Variants in ENTREP2 observed in about 807,000 individuals in gnomAD.
ENTREP2 encodes the protein protein ENTREP2.
At chr15:29,674,140 G>GGGGTGGT in the ENTREP2 span, among the ~76,000 whole-genome samples, 1 of 148,816 alleles carries the variant, frequency 6.7e-6, no homozygotes, top group African/African-American at 2.5e-5. Context: ...GGGGGGGGGG[G>GGGGTGGT]GGGCTTTGCC....
At chr15:29,369,440 G>A in the ENTREP2 span, among the ~76,000 whole-genome samples, 1 of 151,624 alleles carries the variant, frequency 6.6e-6, no homozygotes, top group Non-Finnish European at 1.5e-5. Context: ...AAAAAAAAAA[G>A]TGTAAACCAA....
chr15:29,596,796 G>A, the ENTREP2 span, among the ~76,000 whole-genome samples: 1 of 152,026 alleles, frequency 6.6e-6, no homozygotes, highest in East Asian at 1.9e-4. Context: ...AGCTTCCCGA[G>A]TAGCTGGGAT....
chr15:29,205,056 G>A, the ENTREP2 span, among the ~76,000 whole-genome samples: 2 of 152,130 alleles, frequency 1.3e-5, no homozygotes, highest in Non-Finnish European at 2.9e-5. Flanking sequence ...GGTACCTCCT[G>A]CAAGTGGAAT....
chr15:29,270,522 T>C, the ENTREP2 span, among the ~76,000 whole-genome samples: 1 of 152,214 alleles, frequency 6.6e-6, no homozygotes, highest in East Asian at 1.9e-4. Flanking sequence ...TTAGCAGAAA[T>C]GGGTAAGAGG....
At chr15:29,500,349 A>G in the ENTREP2 span, among the ~76,000 whole-genome samples, 1 of 152,146 alleles carries the variant, frequency 6.6e-6, no homozygotes, top group Admixed American at 6.5e-5. Context: ...GGGCCAAAAA[A>G]CAAGTCTCTG....
chr15:29,394,407 T>C, the ENTREP2 span, among the ~76,000 whole-genome samples: 1 of 152,096 alleles, frequency 6.6e-6, no homozygotes, highest in African/African-American at 2.4e-5. Flanking sequence ...CCCTTCATTA[T>C]TTTAAGTTAA....
chr15:29,526,726 T>G, the ENTREP2 span, among the ~76,000 whole-genome samples: 1 of 151,996 alleles, frequency 6.6e-6, no homozygotes, highest in African/African-American at 2.4e-5. Flanking sequence ...CGCCTCAGCC[T>G]CCCAAAGTGC....
the ENTREP2 span, chr15:29,124,675 G>A: frequency 6.5e-7 from 1 of 1,549,940 alleles, no homozygotes; most frequent in Non-Finnish European, 8.7e-7. Context: ...CTTTAGAAAA[G>A]AAGCGTCTCA....
the ENTREP2 span, among the ~76,000 whole-genome samples, chr15:29,247,461 C>T: frequency 3.2e-3 from 483 of 152,262 alleles, 3 homozygotes; most frequent in Non-Finnish European, 4.9e-3. Flanking sequence ...AGCGGTAGAA[C>T]TTGTCCTACC....
At chr15:29,333,507 C>T in the ENTREP2 span, among the ~76,000 whole-genome samples, 1 of 152,130 alleles carries the variant, frequency 6.6e-6, no homozygotes, top group Non-Finnish European at 1.5e-5. Flanking sequence ...ACCTGCATGG[C>T]CCTCCCGGGC....
chr15:29,656,022 T>TAAAAAAAAAAAAAAAAAAAAAAAA, the ENTREP2 span, among the ~76,000 whole-genome samples: 1 of 100,400 alleles, frequency 1.0e-5, no homozygotes. Flanking sequence ...ACACTCCGTT[T>TAAAAAAAAAAAAAAAAAAAAAAAA]AAAAAAAAAA....
the ENTREP2 span, among the ~76,000 whole-genome samples, chr15:29,361,281 G>A: frequency 1.3e-5 from 2 of 152,144 alleles, no homozygotes; most frequent in Non-Finnish European, 2.9e-5. Flanking sequence ...CTCCATCCAA[G>A]CTTTAGCAAT....
the ENTREP2 span, among the ~76,000 whole-genome samples, chr15:29,311,364 T>C: frequency 2.0e-5 from 3 of 152,200 alleles, no homozygotes; most frequent in African/African-American, 7.2e-5. Flanking sequence ...TTAAATAATT[T>C]ATGAGAGACA....
At chr15:29,444,268 G>A in the ENTREP2 span, among the ~76,000 whole-genome samples, 1 of 151,710 alleles carries the variant, frequency 6.6e-6, no homozygotes, top group Non-Finnish European at 1.5e-5. Context: ...GAAAAGAAGG[G>A]GATAGGGGAA....
chr15:29,185,952 A>C, the ENTREP2 span, among the ~76,000 whole-genome samples: 1 of 152,142 alleles, frequency 6.6e-6, no homozygotes. Context: ...CAAATGCTTT[A>C]AAAATAACCT....
At chr15:29,123,049 G>C in the ENTREP2 span, 1 of 393,880 alleles carries the variant, frequency 2.5e-6, no homozygotes, top group Non-Finnish European at 4.6e-6. Context: ...TCAGTTCAAG[G>C]TGCTGCACGC....
the ENTREP2 span, among the ~76,000 whole-genome samples, chr15:29,346,146 C>G: frequency 2.0e-5 from 3 of 152,152 alleles, no homozygotes; most frequent in African/African-American, 7.2e-5. Context: ...AAGAAGAGAA[C>G]CTGGAGGGTC....
the ENTREP2 span, among the ~76,000 whole-genome samples, chr15:29,200,300 C>T: frequency 6.6e-6 from 1 of 152,082 alleles, no homozygotes; most frequent in Non-Finnish European, 1.5e-5. Context: ...CTCAGCCTCC[C>T]AGATAGTTGG....
the ENTREP2 span, among the ~76,000 whole-genome samples, chr15:29,286,457 C>T: frequency 6.6e-6 from 1 of 152,190 alleles, no homozygotes; most frequent in African/African-American, 2.4e-5. Flanking sequence ...CCTACATGCC[C>T]TTTTGTACCA....
Sources: gnomAD v4.1 joint callset for allele counts (sites outside exome capture counted in the v4.1 genomes callset) on GRCh38, gnomAD v4.1.1 for gene constraint, MANE v1.5 for transcripts, NCBI Gene and HGNC (gene_info 2026-07-23, HGNC 2026-07-21) for gene names.